Variants in PCDHGA2 observed in about 807,000 individuals in gnomAD.
The protein encoded by PCDHGA2 is protocadherin gamma-A2.
In PCDHGA2, 40 loss-of-function variants were observed where a neutral mutation model predicts 59.2. The observed-to-expected ratio is 0.68, with a 90% CI of 0.52 to 0.88. PCDHGA2 has a LOEUF of 0.88. Ranked by LOEUF, PCDHGA2 falls within the 40% of genes least tolerant of loss-of-function variation. The probability of loss-of-function intolerance (pLI) is 0.00; values close to 1 mark genes in which losing one functional copy is unlikely to be tolerated. For missense variants in PCDHGA2, 1,226 were observed against 1,204.0 expected (o/e 1.02, Z -0.27); for synonymous variants, 560 against 526.0 (o/e 1.06, Z -0.89).
intron 1 of PCDHGA2, chr5:141,365,543 T>G: frequency 6.2e-7 from 1 of 1,613,830 alleles, no homozygotes; most frequent in Non-Finnish European, 8.5e-7. Context: ...CTATCACCTA[T>G]TAACAACTAG....
intron 1 of PCDHGA2, chr5:141,421,470 A>T: frequency 2.5e-6 from 4 of 1,614,130 alleles, no homozygotes; most frequent in Non-Finnish European, 3.4e-6. Context: ...TGAATCCGCG[A>T]AGCGGCAGCT....
chr5:141,393,735 G>T, intron 1 of PCDHGA2: 1 of 1,613,858 alleles, frequency 6.2e-7, no homozygotes, highest in Non-Finnish European at 8.5e-7. Context: ...AAAAAGTCTA[G>T]ATTATGAAGA....
intron 1 of PCDHGA2, chr5:141,404,287 C>T: frequency 6.2e-7 from 1 of 1,613,976 alleles, no homozygotes; most frequent in Non-Finnish European, 8.5e-7. Context: ...TGACTGACAT[C>T]AATGATAATC....
intron 1 of PCDHGA2, chr5:141,389,454 C>T (rs544789937): frequency 6.2e-7 from 1 of 1,612,960 alleles, no homozygotes; most frequent in African/African-American, 1.3e-5. Context: ...CGAGCAGCTG[C>T]GCGCCTTCGA....
intron 1 of PCDHGA2, chr5:141,342,076 A>T (rs1050507047): frequency 2.7e-5 from 4 of 150,400 alleles, no homozygotes; most frequent in Non-Finnish European, 5.9e-5. Flanking sequence ...CTGCTCTATA[A>T]TAAAGCTGTA....
At chr5:141,478,256 A>G in intron 1 of PCDHGA2, 6 of 1,614,126 alleles carry the variant, frequency 3.7e-6, no homozygotes, top group Non-Finnish European at 5.1e-6. Flanking sequence ...CGGAGTAATC[A>G]TATTCAAAGT....
At chr5:141,422,434 T>C in intron 1 of PCDHGA2, 5 of 1,609,566 alleles carry the variant, frequency 3.1e-6, no homozygotes, top group Non-Finnish European at 3.4e-6. Context: ...TGGAAATTAT[T>C]ACAAATTGAT....
In PCDHGA2 at chr5:141,355,387, G is replaced by C. The variant is rs772142842; in HGVS notation, c.2424+13992G>C. On this transcript the variant is annotated intron_variant, in intron 1 of 3. Transcript: ENST00000394576. The stretch of plus-strand genomic sequence containing the variant: ...GGCGCCCCGGGAGCTGGCGGAGCGC[G>C]GAGTCCGCATCGTCTCCAGAGGTAG... 1.1e-5 allele frequency: 18 copies of C among 1,613,946 alleles called. No homozygotes were observed. Among genetic ancestry groups the C allele is most frequent in the Admixed American group, 6.7e-5 (4 of 60,014 alleles).
In PCDHGA2 at chr5:141,370,820, C is replaced by T. The variant is rs140287572; in HGVS notation, c.2424+29425C>T. On this transcript the variant is annotated intron_variant, in intron 1 of 3. Coordinates refer to ENST00000394576, the MANE Select transcript of PCDHGA2 (RefSeq NM_018915.4). ...GCCAAAATATCACTGAGCTGGAAATCAGCGAACTGGCTCTCACTGGAGCCA... is the reference window on the plus strand; with the variant it reads ...GCCAAAATATCACTGAGCTGGAAATTAGCGAACTGGCTCTCACTGGAGCCA... 7 of 1,614,062 alleles carry T rather than the reference C, an allele frequency of 4.3e-6. No homozygotes were observed. The African/African-American group carries it at 5.3e-5, about 12-fold the overall frequency.
rs376978832 is a variant in PCDHGA2, at chr5:141,395,250, C to T, written c.2424+53855C>T. On this transcript the variant is annotated intron_variant, in intron 1 of 3. Transcript: ENST00000394576. ...TGATCATGGTCAGGTGAGTTTAGTT[C>T]TTTGCTTGCTTTTAATTTCCAGATG... 1.1e-5 allele frequency: 17 copies of T among 1,558,200 alleles called. No individual in the cohort carries two copies. In the African/African-American group the frequency reaches 2.3e-4, roughly 21 times the overall value.
rs529966095 is a variant in PCDHGA2 at position 141,499,776 on chromosome 5, TC to T, written c.2483+4914del. 3.7e-3 allele frequency among the ~76,000 whole-genome samples: 528 copies of T among 141,410 alleles called. 6 individuals carry two copies. Among genetic ancestry groups the T allele is most frequent in the Non-Finnish European group, 4.2e-3 (282 of 66,550 alleles). The allele number at this position is 141,410 out of a possible 152,430, so 92.8% of individuals were successfully genotyped here. ...ATCTCAGCTCACTGCAGCCTTCGCCTCCCGGGTTCAAGCAATTCTCATGCTT... is the reference window on the plus strand; with the variant it reads ...ATCTCAGCTCACTGCAGCCTTCGCCTCCGGGTTCAAGCAATTCTCATGCTT... On this transcript the variant is annotated intron_variant, in intron 2 of 3. Coordinates refer to ENST00000394576, the MANE Select transcript of PCDHGA2 (RefSeq NM_018915.4).
At chr5:141,386,135 G>A (rs2090475678) in intron 1 of PCDHGA2, 1 of 152,130 alleles carries the variant, frequency 6.6e-6, no homozygotes, top group African/African-American at 2.4e-5. Context: ...GGGGATACTG[G>A]CTTTGTTTCA....
chr5:141,345,360 A>G, intron 1 of PCDHGA2: 1 of 1,614,062 alleles, frequency 6.2e-7, no homozygotes, highest in Non-Finnish European at 8.5e-7. Flanking sequence ...CCTGCATGTG[A>G]TTGACATCAA....
Position 141,340,126 on chromosome 5 carries a change from A to C in PCDHGA2, c.1155A>C (p.Ser385=). The C allele has an allele frequency of 1.2e-6, 2 of 1,613,932 alleles. No homozygotes were observed. Among genetic ancestry groups the C allele is most frequent in the Non-Finnish European group, 1.7e-6 (2 of 1,179,960 alleles). The change falls in exon 1 of 4, where the codon TCA becomes TCC. Residue 385 remains serine (S), a synonymous_variant. Transcript: ENST00000394576. ...DSGQNAFTTC[S]LPEDLPFKLE... ...GGCAGAACGCATTCACCACCTGTTC[A>C]CTCCCCGAGGATCTTCCTTTTAAGT... is the stretch of plus-strand genomic sequence containing the variant.
chr5:141,395,057 T>A (rs2093157144), intron 1 of PCDHGA2: 1 of 1,614,042 alleles, frequency 6.2e-7, no homozygotes, highest in Non-Finnish European at 8.5e-7. Context: ...AGGTACAGGC[T>A]TTCCTGCAGA....
chr5:141,356,073 A>G, intron 1 of PCDHGA2: 1 of 1,613,872 alleles, frequency 6.2e-7, no homozygotes, highest in Non-Finnish European at 8.5e-7. Context: ...TATCACAGCT[A>G]TTTCAGTTGA....
At chr5:141,359,473 T>A (rs1049508652) in intron 1 of PCDHGA2, among the ~76,000 whole-genome samples, 1 of 151,406 alleles carries the variant, frequency 6.6e-6, no homozygotes, top group Non-Finnish European at 1.5e-5. Context: ...TTAAACAAAT[T>A]GTTGTATATT....
At chr5:141,430,244 A>G (rs903055705) in intron 1 of PCDHGA2, among the ~76,000 whole-genome samples, 1 of 105,606 alleles carries the variant, frequency 9.5e-6, no homozygotes, top group Non-Finnish European at 1.8e-5. Context: ...AGAAACTCCT[A>G]GGGAGACATC....
intron 1 of PCDHGA2, among the ~76,000 whole-genome samples, chr5:141,359,797 G>A (rs1404326992): frequency 6.6e-6 from 1 of 152,066 alleles, no homozygotes; most frequent in African/African-American, 2.4e-5. Context: ...TGCATCTTTT[G>A]AATTTGGAAC....
Sources: allele counts gnomAD v4.1 joint callset (sites outside exome capture counted in the v4.1 genomes callset), GRCh38; gene constraint gnomAD v4.1.1; transcripts MANE v1.5; gene names NCBI Gene and HGNC (gene_info 2026-07-23, HGNC 2026-07-21).